SMARCA2: variants seen among roughly 807,000 people sequenced by gnomAD.
The protein encoded by SMARCA2 is SWI/SNF related BAF chromatin remodeling complex subunit ATPase 2.
SMARCA2 carries 61 observed loss-of-function variants against 199.8 expected under a neutral mutation model. That is an observed-to-expected ratio of 0.31 (90% CI 0.25 to 0.38). SMARCA2 has a LOEUF of 0.38. SMARCA2 is among the 10% of genes least tolerant of loss of function. The pLI is 1.00. For missense variants in SMARCA2, 1,344 were observed against 2,012.2 expected (o/e 0.67, Z 6.35); for synonymous variants, 935 against 732.0 (o/e 1.28, Z -4.48).
chr9:2,102,245 C>A (rs1822553782), intron 22 of SMARCA2, among the ~76,000 whole-genome samples: 1 of 151,920 alleles, frequency 6.6e-6, no homozygotes, highest in Non-Finnish European at 1.5e-5. Flanking sequence ...TTTCACTGGG[C>A]TAAGAACCAG....
intron 27 of SMARCA2, among the ~76,000 whole-genome samples, chr9:2,129,284 G>A (rs1039010346): frequency 1.4e-4 from 22 of 152,168 alleles, no homozygotes; most frequent in Non-Finnish European, 3.1e-4. Flanking sequence ...CGGGCGTGGT[G>A]GCACGTGCCT....
chr9:2,052,341 G>T (rs1820156547), intron 5 of SMARCA2, among the ~76,000 whole-genome samples: 1 of 152,186 alleles, frequency 6.6e-6, no homozygotes, highest in Non-Finnish European at 1.5e-5. Context: ...GGGCGTGGTG[G>T]CACGTGCCTA....
intron 12 of SMARCA2, 106 bp from the exon 13 acceptor site, chr9:2,076,123 T>G: frequency 1.5e-6 from 1 of 677,850 alleles, no homozygotes. Flanking sequence ...ATGATCTTAC[T>G]TCATTTGTGA....
At chr9:2,022,443 G>C (rs541901019) in intron 1 of SMARCA2, among the ~76,000 whole-genome samples, 1 of 152,304 alleles carries the variant, frequency 6.6e-6, no homozygotes, top group South Asian at 2.1e-4. Flanking sequence ...AAAAGGCATA[G>C]TAACATCATT....
At chr9:2,065,660 G>A (rs1820807645) in intron 9 of SMARCA2, among the ~76,000 whole-genome samples, 1 of 152,058 alleles carries the variant, frequency 6.6e-6, no homozygotes, top group African/African-American at 2.4e-5. Flanking sequence ...GTAATATTGA[G>A]ACATTTATTT....
intron 3 of SMARCA2, among the ~76,000 whole-genome samples, chr9:2,035,843 T>C (rs1819306454): frequency 6.6e-6 from 1 of 152,242 alleles, no homozygotes; most frequent in African/African-American, 2.4e-5. Context: ...GGGTATATTT[T>C]TGAATAAAGC....
At chr9:2,147,216 A>G (rs1824800596) in intron 27 of SMARCA2, among the ~76,000 whole-genome samples, 1 of 145,906 alleles carries the variant, frequency 6.9e-6, no homozygotes, top group South Asian at 2.2e-4. Context: ...AAGTATTATT[A>G]CAGGGAAAAA....
intron 12 of SMARCA2, chr9:2,075,507 A>T (rs1821283265): frequency 1.3e-5 from 2 of 152,234 alleles, no homozygotes; most frequent in South Asian, 4.1e-4. Context: ...CAAGTTATTG[A>T]GAGTTTTTAA....
intron 26 of SMARCA2, among the ~76,000 whole-genome samples, chr9:2,120,518 T>G (rs1161872832): frequency 1.3e-5 from 2 of 152,202 alleles, no homozygotes; most frequent in Non-Finnish European, 2.9e-5. Flanking sequence ...TATATAACAC[T>G]GCATGCCAAA....
chr9:2,175,298 C>T (rs529003259), intron 29 of SMARCA2, among the ~76,000 whole-genome samples: 10 of 149,402 alleles, frequency 6.7e-5, no homozygotes, highest in Admixed American at 2.0e-4. Flanking sequence ...TTTGAAAATG[C>T]TTGTCCCCGC....
intron 12 of SMARCA2, chr9:2,075,532 A>C (rs1028482680): frequency 1.3e-5 from 2 of 152,306 alleles, no homozygotes; most frequent in African/African-American, 4.8e-5. Context: ...AGTACTCTGC[A>C]ATGTGTGATG....
intron 28 of SMARCA2, among the ~76,000 whole-genome samples, chr9:2,168,038 T>TC (rs1024453474): frequency 3.3e-5 from 5 of 151,128 alleles, no homozygotes; most frequent in East Asian, 3.9e-4. Flanking sequence ...TTTTTCTTTT[T>TC]TTTTTTTTTT....
chr9:2,045,141 G>A (rs1475034134), intron 4 of SMARCA2: 1 of 152,204 alleles, frequency 6.6e-6, no homozygotes, highest in Non-Finnish European at 1.5e-5. Flanking sequence ...TTTTGTTGAT[G>A]AATTATTTGA....
intron 1 of SMARCA2, among the ~76,000 whole-genome samples, chr9:2,020,083 G>A (rs1050456135): frequency 2.0e-5 from 3 of 152,070 alleles, no homozygotes; most frequent in Non-Finnish European, 2.9e-5. Context: ...TTTAAGGGAC[G>A]ATAGGGACAA....
At chr9:2,095,689 T>A (rs1822247372) in intron 19 of SMARCA2, among the ~76,000 whole-genome samples, 1 of 152,216 alleles carries the variant, frequency 6.6e-6, no homozygotes, top group Admixed American at 6.5e-5. Context: ...AAAGCAACAA[T>A]TGAAGGAATA....
chr9:2,031,910 TAAAC>T (rs1263034305), intron 2 of SMARCA2, among the ~76,000 whole-genome samples: 1 of 152,228 alleles, frequency 6.6e-6, no homozygotes, highest in Non-Finnish European at 1.5e-5. Context: ...TGGAAATAAA[TAAAC>T]AAGTGGCCTA....
Position 2,163,158 on chromosome 9 carries a change from T to G in SMARCA2, c.4199+1255T>G, listed in dbSNP as rs572628987. 3.3e-5 allele frequency among the ~76,000 whole-genome samples: 5 copies of G among 152,366 alleles called. No individual in the cohort carries two copies. In the East Asian group the frequency reaches 9.6e-4, roughly 29 times the overall value. ...GGGTTTTGCTGTTAAGCCTTTCTTA[T>G]CTGCAAGGAGTTTTCAGAAATGGGG... is the stretch of plus-strand genomic sequence containing the variant. On this transcript the variant is annotated intron_variant, in intron 28 of 33. Coordinates refer to ENST00000349721, the MANE Select transcript of SMARCA2 (RefSeq NM_003070.5).
intron 8 of SMARCA2, 47 bp downstream of exon 8, chr9:2,058,511 C>T (rs761237635): frequency 1.7e-5 from 25 of 1,496,922 alleles, no homozygotes; most frequent in African/African-American, 4.2e-5. Flanking sequence ...AACCCACGTC[C>T]GTCTGCAATG....
intron 29 of SMARCA2, chr9:2,181,206 G>GTA (rs59192983): frequency 0.43 from 69,250 of 160,392 alleles, 16,642 homozygotes; most frequent in Admixed American, 0.54. Context: ...ATATGTACGT[G>GTA]TATATATATA....
Sources: gnomAD v4.1 joint callset for allele counts (sites outside exome capture counted in the v4.1 genomes callset) on GRCh38, gnomAD v4.1.1 for gene constraint, MANE v1.5 for transcripts, NCBI Gene and HGNC (gene_info 2026-07-23, HGNC 2026-07-21) for gene names.